The following PJVK variants were observed in gnomAD, a reference collection of about 807,000 sequenced individuals.
PJVK encodes the protein autosomal recessive deafness type 59 protein.
PJVK carries 33 observed loss-of-function variants against 37.6 expected under a neutral mutation model. The ratio of observed to expected loss-of-function variants is 0.88; its 90% CI spans 0.67 to 1.17. The LOEUF (loss-of-function observed/expected upper bound fraction) is 1.17. Ranked by LOEUF, PJVK falls within the 50% of genes most tolerant of loss-of-function variation. The pLI is 0.00. For missense variants in PJVK, 410 were observed against 413.8 expected (o/e 0.99, Z 0.08); for synonymous variants, 141 against 143.5 (o/e 0.98, Z 0.13).
At chr2:178,456,375 T>C in intron 4 of PJVK, 1 of 577,440 alleles carries the variant, frequency 1.7e-6, no homozygotes, top group East Asian at 3.1e-5. Flanking sequence ...CAGTAATCCT[T>C]GTGAAATTAC....
rs562110026 is a variant in PJVK, at chr2:178,454,706, C to G, written c.407+179C>G. 2.7e-5 allele frequency: 41 copies of G among 1,520,694 alleles called. 1 individual carries two copies. In the South Asian group the frequency reaches 4.9e-4, roughly 18 times the overall value. 94.2% of individuals were successfully genotyped at this position (1,520,694 alleles called of 1,614,324 possible). On this transcript the variant is annotated intron_variant, in intron 3 of 6. Coordinates refer to ENST00000644580, the MANE Select transcript of PJVK (RefSeq NM_001042702.5). ...TTGAATAAGGATAGATATCAAAAAT[C>G]ACTTGGCTGAAGTCAGAGACCTCAG...
chr2:178,453,776 A>C, intron 2 of PJVK, 156 bp downstream of exon 2: 1 of 634,376 alleles, frequency 1.6e-6, no homozygotes, highest in Non-Finnish European at 2.8e-6. Context: ...TAAGATTAAC[A>C]ATGCCAAAAG....
At chr2:178,452,652 A>AT in intron 1 of PJVK, 1 of 984,036 alleles carries the variant, frequency 1.0e-6, no homozygotes, top group Non-Finnish European at 1.2e-6. Flanking sequence ...AGTAGCTGGG[A>AT]TAATAATGAA....
At chr2:178,453,323 A>G (rs974192439) in intron 1 of PJVK, 65 bp from the exon 2 acceptor site, 3 of 1,321,224 alleles carry the variant, frequency 2.3e-6, no homozygotes, top group African/African-American at 2.9e-5. Flanking sequence ...ATATTTAAAA[A>G]CAAGCAATGC....
intron 4 of PJVK, among the ~76,000 whole-genome samples, chr2:178,456,766 C>CA (rs140308048): frequency 4.7e-5 from 7 of 149,992 alleles, no homozygotes; most frequent in South Asian, 4.2e-4. Flanking sequence ...GACTCCGTCT[C>CA]AAAAAAACAA....
intron 2 of PJVK, 129 bp from the exon 3 acceptor site, chr2:178,454,203 T>A (rs1307395149): frequency 1.4e-6 from 1 of 715,448 alleles, no homozygotes; most frequent in African/African-American, 1.8e-5. Flanking sequence ...ACTTTAAGTC[T>A]TGGTGAGTCA....
chr2:178,453,892 T>A (rs539757422), intron 2 of PJVK: 2 of 391,668 alleles, frequency 5.1e-6, no homozygotes, highest in Non-Finnish European at 9.8e-6. Context: ...TATTTCTTCA[T>A]CTATAAAATG....
At chr2:178,455,503 A>T (rs1371591292) in intron 3 of PJVK, 1 of 915,644 alleles carries the variant, frequency 1.1e-6, no homozygotes, top group Admixed American at 1.7e-5. Context: ...CTTCTCTGGG[A>T]CTTGTGGGCC....
At chr2:178,460,946 T>C in intron 6 of PJVK, 36 bp from the exon 7 acceptor site, 1 of 1,599,506 alleles carries the variant, frequency 6.3e-7, no homozygotes, top group Non-Finnish European at 8.5e-7. Flanking sequence ...TCATTTTCAC[T>C]TCTAACACAT....
At chr2:178,457,560 A>C (rs1204097462) in intron 4 of PJVK, among the ~76,000 whole-genome samples, 2 of 148,414 alleles carry the variant, frequency 1.3e-5, no homozygotes, top group African/African-American at 5.0e-5. Context: ...TGTCTTTTAG[A>C]ATTTGGGAGG....
At chr2:178,455,071 G>T (rs1683948320) in intron 3 of PJVK, 1 of 1,484,136 alleles carries the variant, frequency 6.7e-7, no homozygotes, top group Non-Finnish European at 9.4e-7. Flanking sequence ...GGCTCAAGGG[G>T]CAGCCAGCGA....
intron 3 of PJVK, chr2:178,454,899 A>G: frequency 1.1e-6 from 1 of 947,262 alleles, no homozygotes; most frequent in South Asian, 1.3e-5. Context: ...TGAGAAGGAC[A>G]AAGGAAAACT....
Position 178,455,999 on chromosome 2 carries a change from C to G in PJVK, c.408-11C>G. 6.2e-7 allele frequency: 1 copy of G among 1,613,232 alleles called. No homozygotes were observed. The highest frequency in any genetic ancestry group is 8.5e-7 in the Non-Finnish European group (1 of 1,179,530). On this transcript the variant is annotated splice_polypyrimidine_tract_variant and intron_variant, in intron 3 of 6. Coordinates refer to ENST00000644580, the MANE Select transcript of PJVK (RefSeq NM_001042702.5). ...TTATAGAGTCTTGTGAATGTATCTT[C>G]TTTATTTTAGAAAAATTAACTTTGA...
At position 178,461,006 on chromosome 2, in the gene PJVK, C is replaced by G; in HGVS notation, c.791C>G (p.Ser264Cys). The G allele has an allele frequency of 6.2e-7, 1 of 1,613,870 alleles. No homozygotes were observed. The highest frequency in any genetic ancestry group is 8.5e-7 in the Non-Finnish European group (1 of 1,179,994). Reference sequence around the variant, plus strand: ...GATAGAAGAGTGATGGATGTCATTTCTCGTTCACAGCTTTACTTGGATGAT... The same window carrying G: ...GATAGAAGAGTGATGGATGTCATTTGTCGTTCACAGCTTTACTTGGATGAT... ...ERNRRVMDVI[S>C]RSQLYLDDLF... The change falls in exon 7 of 7, where the codon TCT becomes TGT. Residue 264 changes from serine to cysteine, a missense_variant. Coordinates refer to ENST00000644580, the MANE Select transcript of PJVK (RefSeq NM_001042702.5).
rs957090845 is a variant in PJVK at position 178,461,647 on chromosome 2, T to C, written c.*373T>C. Among the ~76,000 whole-genome samples, 1 of 148,524 alleles carries C rather than the reference T, an allele frequency of 6.7e-6. No homozygotes were observed. The highest frequency in any genetic ancestry group is 1.5e-5 in the Non-Finnish European group (1 of 67,638). The stretch of plus-strand genomic sequence containing the variant: ...TCACCCAGGCTGGAGTACAGTGGCA[T>C]GATCTCAGCTCACTGCAACCTCTGC... On this transcript the variant is annotated 3_prime_UTR_variant, in exon 7 of 7. Coordinates refer to ENST00000644580, the MANE Select transcript of PJVK (RefSeq NM_001042702.5).
chr2:178,455,075 C>A lies in PJVK; in HGVS notation c.407+548C>A, dbSNP rs897762526. ...CCTCCAGGTGGGGCTCAAGGGGCAG[C>A]CAGCGATCATCGATGGGGAGCTCTA... On this transcript the variant is annotated intron_variant, in intron 3 of 6. Coordinates refer to ENST00000644580, the MANE Select transcript of PJVK (RefSeq NM_001042702.5). 5 of 1,510,760 alleles carry A rather than the reference C, an allele frequency of 3.3e-6. No individual in the cohort carries two copies. In the African/African-American group the frequency reaches 5.5e-5, roughly 17 times the overall value. 93.6% of individuals were successfully genotyped at this position (1,510,760 alleles called of 1,614,324 possible). A position where few individuals can be genotyped will look rare whatever the true frequency, so the allele number is the denominator to read the frequency against.
Position 178,461,815 on chromosome 2 carries a change from C to A in PJVK, c.*541C>A, listed in dbSNP as rs1684523121. Among the ~76,000 whole-genome samples the A allele has an allele frequency of 6.6e-6, 1 of 152,058 alleles. No individual in the cohort carries two copies. Among genetic ancestry groups the A allele is most frequent in the Non-Finnish European group, 1.5e-5 (1 of 68,010 alleles). On this transcript the variant is annotated 3_prime_UTR_variant, in exon 7 of 7. Transcript: ENST00000644580. ...GGCCAGGCTGATCTTGAACTCCTGACCTTGTGATCCACTTTCCTCGGCCTC... is the reference window on the plus strand; with the variant it reads ...GGCCAGGCTGATCTTGAACTCCTGAACTTGTGATCCACTTTCCTCGGCCTC...
At chr2:178,454,984 C>T (rs373228770) in intron 3 of PJVK, 57 of 979,380 alleles carry the variant, frequency 5.8e-5, no homozygotes, top group African/African-American at 4.0e-4. Context: ...CTGGACCTGG[C>T]GGTCCCTTTC....
Position 178,456,033 on chromosome 2 carries a change from T to G in PJVK, c.431T>G (p.Leu144Trp). ...TTRKINFDHS[L>W]IRQSRSSRKA... ...AGAAAAATTAACTTTGACCACAGCT[T>G]GATACGTCAGTCAAGGAGCAGCAGA... The change falls in exon 4 of 7, where the codon TTG becomes TGG. Residue 144 changes from leucine to tryptophan, a missense_variant. Leu to Trp is a moderately conservative substitution (Grantham distance 61, BLOSUM62 -2). Transcript: ENST00000644580. 1 of 1,614,196 alleles carries G rather than the reference T, an allele frequency of 6.2e-7. No homozygotes were observed. The highest frequency in any genetic ancestry group is 8.5e-7 in the Non-Finnish European group (1 of 1,180,030).
Sources: allele counts gnomAD v4.1 joint callset (sites outside exome capture counted in the v4.1 genomes callset), GRCh38; gene constraint gnomAD v4.1.1; transcripts MANE v1.5; gene names NCBI Gene and HGNC (gene_info 2026-07-23, HGNC 2026-07-21).